The following ACACA variants were observed in gnomAD, a reference collection of about 807,000 sequenced individuals.
ACACA encodes the protein acetyl-CoA carboxylase 1.
ACACA carries 103 observed loss-of-function variants against 296.1 expected under a neutral mutation model. That is an observed-to-expected ratio of 0.35 (90% CI 0.30 to 0.41). ACACA has a LOEUF of 0.41. Among genes scored for constraint, ACACA ranks in the 10% least tolerant of loss-of-function variants. The pLI is 1.00. For missense variants in ACACA, 1,554 were observed against 2,989.7 expected (o/e 0.52, Z 11.20); for synonymous variants, 953 against 1,038.6 (o/e 0.92, Z 1.58).
At chr17:37,188,193 G>A in intron 39 of ACACA, 84 bp downstream of exon 39, 1 of 1,302,888 alleles carries the variant, frequency 7.7e-7, no homozygotes, top group Non-Finnish European at 1.1e-6. Context: ...TGGGATTTGT[G>A]AGTGTGGGTC....
chr17:37,086,090 G>T lies in ACACA; in HGVS notation c.*1226C>A. On this transcript the variant is annotated 3_prime_UTR_variant, in exon 56 of 56. Transcript: ENST00000616317. Reference sequence around the variant, plus strand: ...TAAGCCTGGAGGACAGCAGCACCATGACTGAGTTGTAAATAATCTTAAGGT... The same window carrying T: ...TAAGCCTGGAGGACAGCAGCACCATTACTGAGTTGTAAATAATCTTAAGGT... The T allele has an allele frequency of 3.0e-6, 1 of 328,394 alleles. No homozygotes were observed. Among genetic ancestry groups the T allele is most frequent in the Non-Finnish European group, 5.4e-6 (1 of 183,546 alleles). The allele number at this position is 328,394 out of a possible 1,614,324, so 20.3% of individuals were successfully genotyped here. A position where few individuals can be genotyped will look rare whatever the true frequency, so the allele number is the denominator to read the frequency against.
At chr17:37,296,882 A>C (rs1484173024) in intron 3 of ACACA, among the ~76,000 whole-genome samples, 1 of 150,726 alleles carries the variant, frequency 6.6e-6, no homozygotes, top group East Asian at 2.1e-4. Context: ...ACACCCGGCT[A>C]ATTTTTGTAT....
At chr17:37,313,713 T>C (rs2046951989) in intron 3 of ACACA, among the ~76,000 whole-genome samples, 2 of 152,312 alleles carry the variant, frequency 1.3e-5, no homozygotes, top group South Asian at 2.1e-4. Flanking sequence ...ACCCTTGTAT[T>C]GGTGGTTCCC....
At chr17:37,352,092 G>A (rs762036918) in intron 1 of ACACA, among the ~76,000 whole-genome samples, 20 of 151,610 alleles carry the variant, frequency 1.3e-4, no homozygotes, top group Non-Finnish European at 2.8e-4. Context: ...CACCACATTC[G>A]TCTTTTTAGT....
intron 1 of ACACA, chr17:37,360,106 G>A (rs570584038): frequency 6.6e-6 from 1 of 152,178 alleles, no homozygotes; most frequent in Admixed American, 6.6e-5. Flanking sequence ...CATGGTAGCT[G>A]TGTGTTGAAA....
At chr17:37,382,023 T>C (rs2050314616) in intron 1 of ACACA, among the ~76,000 whole-genome samples, 1 of 152,202 alleles carries the variant, frequency 6.6e-6, no homozygotes, top group South Asian at 2.1e-4. Context: ...AATGACCGTA[T>C]ATATTCTTCT....
chr17:37,091,555 C>G (rs1039017194), intron 54 of ACACA, among the ~76,000 whole-genome samples: 12 of 152,164 alleles, frequency 7.9e-5, no homozygotes, highest in African/African-American at 2.4e-4. Flanking sequence ...AGCAAGCTCC[C>G]TTCCACTGGG....
chr17:37,208,954 T>G (rs1200585159), intron 30 of ACACA, among the ~76,000 whole-genome samples: 2 of 152,234 alleles, frequency 1.3e-5, no homozygotes, highest in African/African-American at 4.8e-5. Flanking sequence ...GGACTTGATA[T>G]CTGGGTACAT....
chr17:37,300,210 G>GA (rs1353095801), intron 3 of ACACA, among the ~76,000 whole-genome samples: 1 of 152,232 alleles, frequency 6.6e-6, no homozygotes. Context: ...AAGCAGGGAA[G>GA]AAAAATCCTG....
At chr17:37,350,336 GAAAAAAAAAACC>G (rs1189470649) in intron 1 of ACACA, among the ~76,000 whole-genome samples, 1 of 124,164 alleles carries the variant, frequency 8.1e-6, no homozygotes, top group Non-Finnish European at 1.7e-5. Flanking sequence ...CTCAAAAAAA[GAAAAAAAAAACC>G]AAAAAAAAAA....
chr17:37,352,239 T>C (rs1002825726), intron 1 of ACACA, among the ~76,000 whole-genome samples: 7 of 152,072 alleles, frequency 4.6e-5, no homozygotes, highest in African/African-American at 1.7e-4. Context: ...TTTATCAGAA[T>C]TGCAACGAAT....
intron 2 of ACACA, among the ~76,000 whole-genome samples, chr17:37,334,803 G>C (rs2048038979): frequency 6.6e-6 from 1 of 152,056 alleles, no homozygotes; most frequent in Non-Finnish European, 1.5e-5. Flanking sequence ...TTTCTATGGA[G>C]AATGCAGCGT....
intron 45 of ACACA, among the ~76,000 whole-genome samples, chr17:37,140,114 A>T (rs1486811793): frequency 6.6e-6 from 1 of 152,234 alleles, no homozygotes; most frequent in Non-Finnish European, 1.5e-5. Flanking sequence ...AATTTTTCAC[A>T]CATAATTGGG....
At chr17:37,289,573 C>T (rs776279566) in intron 3 of ACACA, 1 of 1,166,518 alleles carries the variant, frequency 8.6e-7, no homozygotes, top group Non-Finnish European at 1.2e-6. Flanking sequence ...TAGGACTGAT[C>T]TTCTTAGGAA....
At chr17:37,162,186 T>C (rs2076487707) in intron 41 of ACACA, 136 bp from the exon 42 acceptor site, 1 of 892,294 alleles carries the variant, frequency 1.1e-6, no homozygotes. Flanking sequence ...CCAAACTCCC[T>C]GTGGGAAACT....
chr17:37,086,034 G>A lies in ACACA; in HGVS notation c.*1282C>T. 1 of 383,706 alleles carries A rather than the reference G, an allele frequency of 2.6e-6. No individual in the cohort carries two copies. Among genetic ancestry groups the A allele is most frequent in the Non-Finnish European group, 4.6e-6 (1 of 217,284 alleles). 23.8% of individuals were successfully genotyped at this position (383,706 alleles called of 1,614,324 possible). On this transcript the variant is annotated 3_prime_UTR_variant, in exon 56 of 56. Transcript: ENST00000616317. Reference sequence around the variant, plus strand: ...AAGTAAACTCTCTCCACCACCTGAGGAAGCCCCTGATGCCAGTCAGGAGGG... The same window carrying A: ...AAGTAAACTCTCTCCACCACCTGAGAAAGCCCCTGATGCCAGTCAGGAGGG...
intron 30 of ACACA, among the ~76,000 whole-genome samples, chr17:37,208,913 G>A (rs777709731): frequency 2.6e-5 from 4 of 152,182 alleles, no homozygotes; most frequent in African/African-American, 9.7e-5. Context: ...CACCACCTGC[G>A]GTGTTGCAGG....
intron 35 of ACACA, among the ~76,000 whole-genome samples, chr17:37,199,760 T>C (rs544779626): frequency 1.3e-5 from 2 of 152,132 alleles, no homozygotes; most frequent in South Asian, 4.1e-4. Context: ...CTTATTTATC[T>C]GGATAAATGC....
At chr17:37,310,793 CAAAA>C (rs74268026) in intron 3 of ACACA, among the ~76,000 whole-genome samples, 2 of 50,510 alleles carry the variant, frequency 4.0e-5, no homozygotes, top group Non-Finnish European at 7.9e-5. Context: ...GACACCATCT[CAAAA>C]AAAAAAAAAA....
Sources: gnomAD v4.1 joint callset for allele counts (sites outside exome capture counted in the v4.1 genomes callset) on GRCh38, gnomAD v4.1.1 for gene constraint, MANE v1.5 for transcripts, NCBI Gene and HGNC (gene_info 2026-07-23, HGNC 2026-07-21) for gene names.